PLEKHA7: variants seen among roughly 807,000 people sequenced by gnomAD.
PLEKHA7 encodes the protein pleckstrin homology domain-containing family A member 7.
PLEKHA7 carries 104 observed loss-of-function variants against 170.0 expected under a neutral mutation model. The ratio of observed to expected loss-of-function variants is 0.61; its 90% CI spans 0.52 to 0.72. The LOEUF (loss-of-function observed/expected upper bound fraction) is 0.72. Ranked by LOEUF, PLEKHA7 falls within the 30% of genes least tolerant of loss-of-function variation. PLEKHA7 has a pLI of 0.00. For synonymous variants in PLEKHA7, 648 were observed against 660.8 expected, an observed-to-expected ratio of 0.98 and a Z score of 0.30; for missense variants, 1,615 against 1,671.7, an observed-to-expected ratio of 0.97 and a Z score of 0.59.
Position 16,932,665 on chromosome 11 carries a change from G to T in PLEKHA7, c.222-61483C>A, listed in dbSNP as rs78441953. On this transcript the variant is annotated intron_variant, in intron 3 of 26. Coordinates refer to ENST00000531066, the MANE Select transcript of PLEKHA7 (RefSeq NM_001329630.2). ...CCATAGATGTAGTAGTGACAGAAGA[G>T]ACAGAGGGACAGAAATACTGATAAT... Among the ~76,000 whole-genome samples, 205 of 152,324 alleles carry T rather than the reference G, an allele frequency of 1.3e-3. 3 individuals are homozygous for T. In the East Asian group the frequency reaches 0.034, roughly 25 times the overall value.
chr11:16,888,061 T>C (rs1856288762), intron 3 of PLEKHA7, among the ~76,000 whole-genome samples: 1 of 142,986 alleles, frequency 7.0e-6, no homozygotes. Flanking sequence ...TTCTGGGAGG[T>C]GAGGAGCGTC....
chr11:16,799,357 A>G (rs1848437781), intron 17 of PLEKHA7, among the ~76,000 whole-genome samples: 1 of 152,202 alleles, frequency 6.6e-6, no homozygotes, highest in African/African-American at 2.4e-5. Flanking sequence ...ATGGTCTAGA[A>G]GGCAATGCCA....
chr11:17,004,305 G>A (rs1259166604), intron 3 of PLEKHA7, among the ~76,000 whole-genome samples: 3 of 152,082 alleles, frequency 2.0e-5, no homozygotes, highest in Non-Finnish European at 4.4e-5. Context: ...TGAGAAGCCT[G>A]GATATGAGGA....
intron 3 of PLEKHA7, among the ~76,000 whole-genome samples, chr11:16,908,257 A>C (rs1283928894): frequency 3.3e-5 from 2 of 61,448 alleles, no homozygotes; most frequent in Admixed American, 2.1e-4. Context: ...AATGATCAAT[A>C]AAAAAAAAAA....
At chr11:16,965,983 G>A (rs954244830) in intron 3 of PLEKHA7, among the ~76,000 whole-genome samples, 25 of 152,276 alleles carry the variant, frequency 1.6e-4, no homozygotes, top group Middle Eastern at 3.4e-3. Flanking sequence ...AGGAGTTCGA[G>A]ACCAGCCTGG....
At chr11:16,871,713 C>T (rs1854865769) in intron 3 of PLEKHA7, among the ~76,000 whole-genome samples, 1 of 152,142 alleles carries the variant, frequency 6.6e-6, no homozygotes, top group African/African-American at 2.4e-5. Context: ...CTCTGCAACA[C>T]GACCTGCACA....
At chr11:16,949,814 C>T (rs984968517) in intron 3 of PLEKHA7, among the ~76,000 whole-genome samples, 1 of 151,850 alleles carries the variant, frequency 6.6e-6, no homozygotes, top group African/African-American at 2.4e-5. Flanking sequence ...AGATCATGAG[C>T]TACAGAAATT....
intron 8 of PLEKHA7, among the ~76,000 whole-genome samples, chr11:16,845,466 G>A (rs370714): frequency 0.57 from 85,961 of 151,996 alleles, 26,269 homozygotes; most frequent in East Asian, 0.87. Flanking sequence ...TCCCTGGTTC[G>A]AGCAATCCTC....
rs760139295 is a variant in PLEKHA7 at position 16,801,839 on chromosome 11, A to G, written c.2158-22T>C. The G allele has an allele frequency of 5.0e-6, 8 of 1,613,536 alleles. No homozygotes were observed. In the South Asian group the frequency reaches 8.8e-5, roughly 18 times the overall value. On this transcript the variant is annotated intron_variant, in intron 15 of 26. Transcript: ENST00000531066. Reference sequence around the variant, plus strand: ...GGTCCTGCACCACGAAGGGCCAAAAAACAGCAGGATAGGAGGACAGTCCCC... The same window carrying G: ...GGTCCTGCACCACGAAGGGCCAAAAGACAGCAGGATAGGAGGACAGTCCCC...
At chr11:16,982,496 G>T (rs1212084106) in intron 3 of PLEKHA7, among the ~76,000 whole-genome samples, 2 of 152,296 alleles carry the variant, frequency 1.3e-5, no homozygotes, top group South Asian at 2.1e-4. Flanking sequence ...TACTGTCCCT[G>T]TCCCACTCTA....
chr11:16,802,938 G>T (rs752186517), intron 15 of PLEKHA7, 34 bp downstream of exon 15: 6 of 1,527,606 alleles, frequency 3.9e-6, no homozygotes, highest in Admixed American at 1.7e-5. Flanking sequence ...ATGTCCCTCT[G>T]CCCATTCCAA....
chr11:16,825,727 A>G (rs1026728177), intron 10 of PLEKHA7, among the ~76,000 whole-genome samples: 2 of 116,550 alleles, frequency 1.7e-5, no homozygotes, highest in Admixed American at 9.4e-5. Flanking sequence ...TCTAGTTTCT[A>G]TAAACATTTT....
chr11:16,958,827 A>C (rs934681056), intron 3 of PLEKHA7, among the ~76,000 whole-genome samples: 8 of 148,690 alleles, frequency 5.4e-5, no homozygotes, highest in African/African-American at 2.0e-4. Flanking sequence ...CAGCCGATGT[A>C]ACCAGAGCAA....
At chr11:16,780,781 C>T (rs1224493102) in intron 26 of PLEKHA7, among the ~76,000 whole-genome samples, 3 of 152,214 alleles carry the variant, frequency 2.0e-5, no homozygotes, top group Non-Finnish European at 2.9e-5. Context: ...ACTTTCCCAC[C>T]TGCCTACCAG....
chr11:16,838,217 T>G (rs961316547), intron 9 of PLEKHA7, among the ~76,000 whole-genome samples: 2 of 152,150 alleles, frequency 1.3e-5, no homozygotes, highest in African/African-American at 4.8e-5. Flanking sequence ...GAAATACACG[T>G]GCCCATTGAG....
intron 3 of PLEKHA7, among the ~76,000 whole-genome samples, chr11:16,943,934 A>C (rs1437336147): frequency 6.6e-6 from 1 of 152,238 alleles, no homozygotes. Flanking sequence ...CCCTGCCCAG[A>C]TATAATAATG....
At chr11:16,937,512 G>A (rs1860387578) in intron 3 of PLEKHA7, among the ~76,000 whole-genome samples, 1 of 152,044 alleles carries the variant, frequency 6.6e-6, no homozygotes, top group Non-Finnish European at 1.5e-5. Context: ...GAGTGAATAA[G>A]ACAAAGAAGA....
chr11:16,885,844 A>G (rs1021573469), intron 3 of PLEKHA7, among the ~76,000 whole-genome samples: 7 of 150,386 alleles, frequency 4.7e-5, no homozygotes, highest in Non-Finnish European at 8.9e-5. Flanking sequence ...AAATACAAAA[A>G]AAATTAGCCA....
intron 8 of PLEKHA7, among the ~76,000 whole-genome samples, chr11:16,847,617 G>A (rs950888724): frequency 3.3e-5 from 5 of 151,982 alleles, no homozygotes; most frequent in Non-Finnish European, 7.4e-5. Context: ...ATCACCTGAG[G>A]TCAGGAATTT....
Sources: gnomAD v4.1 joint callset for allele counts (sites outside exome capture counted in the v4.1 genomes callset) on GRCh38, gnomAD v4.1.1 for gene constraint, MANE v1.5 for transcripts, NCBI Gene and HGNC (gene_info 2026-07-23, HGNC 2026-07-21) for gene names.